Variants in DNAJB6 observed in about 807,000 individuals in gnomAD.
DNAJB6 encodes dnaJ homolog subfamily B member 6.
A neutral mutation model predicts 42.7 loss-of-function variants in DNAJB6; 16 were observed. The ratio of observed to expected loss-of-function variants is 0.37; its 90% CI spans 0.25 to 0.57. The LOEUF is 0.57. Among genes scored for constraint, DNAJB6 ranks in the 20% least tolerant of loss-of-function variants. The pLI is 0.74. For synonymous variants in DNAJB6, 170 were observed against 163.5 expected (o/e 1.04, Z -0.30); for missense variants, 347 against 416.8 (o/e 0.83, Z 1.46).
intron 1 of DNAJB6, among the ~76,000 whole-genome samples, chr7:157,340,377 C>T (rs1798298284): frequency 6.6e-6 from 1 of 151,732 alleles, no homozygotes. Flanking sequence ...TGGTGTAGTT[C>T]AAGGATGAAT....
At chr7:157,381,039 C>G (rs1800741238) in intron 5 of DNAJB6, 2 of 151,952 alleles carry the variant, frequency 1.3e-5, no homozygotes, top group African/African-American at 4.8e-5. Flanking sequence ...GCTGTGTTGT[C>G]CAGCCTGGAT....
chr7:157,387,558 C>T (rs1391518788), intron 8 of DNAJB6, among the ~76,000 whole-genome samples: 1 of 152,200 alleles, frequency 6.6e-6, no homozygotes, highest in African/African-American at 2.4e-5. Flanking sequence ...AGCCTTGAGA[C>T]ATCCAGGGAT....
At chr7:157,344,173 T>C (rs911718464) in intron 1 of DNAJB6, among the ~76,000 whole-genome samples, 3 of 152,142 alleles carry the variant, frequency 2.0e-5, no homozygotes, top group African/African-American at 7.2e-5. Flanking sequence ...ACCCCATCTC[T>C]ACTAAAACAA....
intron 1 of DNAJB6, among the ~76,000 whole-genome samples, chr7:157,356,947 T>C (rs987606486): frequency 5.3e-5 from 8 of 152,190 alleles, no homozygotes; most frequent in African/African-American, 1.7e-4. Context: ...TACATCTAAA[T>C]AGATCCTGAT....
intron 5 of DNAJB6, among the ~76,000 whole-genome samples, chr7:157,376,529 C>T (rs767610229): frequency 2.6e-5 from 4 of 152,148 alleles, no homozygotes; most frequent in Non-Finnish European, 5.9e-5. Context: ...GTGACACAGC[C>T]TCAGGAGTCC....
chr7:157,390,296 A>C (rs1010111846), intron 8 of DNAJB6, among the ~76,000 whole-genome samples: 2 of 152,206 alleles, frequency 1.3e-5, no homozygotes, highest in Non-Finnish European at 2.9e-5. Context: ...TTGGCTTTAC[A>C]AAGATTCTCC....
At chr7:157,370,336 CATT>C (rs1479994470) in intron 5 of DNAJB6, among the ~76,000 whole-genome samples, 3 of 152,204 alleles carry the variant, frequency 2.0e-5, no homozygotes, top group East Asian at 3.9e-4. Context: ...CCCTTCTTAA[CATT>C]ATTATTAAAC....
intron 1 of DNAJB6, among the ~76,000 whole-genome samples, chr7:157,349,793 T>A (rs1318258686): frequency 6.6e-6 from 1 of 152,120 alleles, no homozygotes; most frequent in Non-Finnish European, 1.5e-5. Flanking sequence ...TACAGGTTCA[T>A]GCCACCACAC....
intron 1 of DNAJB6, among the ~76,000 whole-genome samples, 187 bp downstream of exon 1, chr7:157,337,331 G>A (rs1383318618): frequency 6.6e-6 from 1 of 151,602 alleles, no homozygotes; most frequent in Non-Finnish European, 1.5e-5. Flanking sequence ...GGGTCCTCTG[G>A]GTCAGGTCTG....
At chr7:157,381,960 C>A in intron 5 of DNAJB6, 1 of 220,738 alleles carries the variant, frequency 4.5e-6, no homozygotes, top group East Asian at 1.2e-4. Flanking sequence ...GTTTGAAGTG[C>A]ATATTGGTCC....
chr7:157,354,594 C>A (rs1314856092), intron 1 of DNAJB6, among the ~76,000 whole-genome samples: 16 of 152,074 alleles, frequency 1.1e-4, no homozygotes, highest in Non-Finnish European at 2.4e-4. Context: ...CCACTTTGGT[C>A]TCACAAAGTG....
intron 8 of DNAJB6, among the ~76,000 whole-genome samples, chr7:157,391,385 G>A (rs1240341819): frequency 2.6e-5 from 4 of 152,242 alleles, no homozygotes; most frequent in South Asian, 2.1e-4. Context: ...GAACTTGAAC[G>A]AGAAAGTGCT....
chr7:157,369,454 C>T (rs1800007409), intron 5 of DNAJB6: 1 of 456,290 alleles, frequency 2.2e-6, no homozygotes. Flanking sequence ...AACACCATGG[C>T]TTCTCTTCTG....
intron 1 of DNAJB6, among the ~76,000 whole-genome samples, chr7:157,346,999 GCGCCCGCCACCA>G (rs1798723735): frequency 6.6e-6 from 1 of 152,210 alleles, no homozygotes; most frequent in African/African-American, 2.4e-5. Context: ...GAGACTACAG[GCGCCCGCCACCA>G]CGCCCGGCTA....
At position 157,385,533 on chromosome 7, in the gene DNAJB6, T is replaced by G; in HGVS notation, c.621-8T>G. The G allele has an allele frequency of 1.2e-6, 2 of 1,609,446 alleles. No homozygotes were observed. Among genetic ancestry groups the G allele is most frequent in the Non-Finnish European group, 1.7e-6 (2 of 1,178,674 alleles). On this transcript the variant is annotated splice_polypyrimidine_tract_variant and splice_region_variant and intron_variant, in intron 7 of 9. Coordinates refer to ENST00000262177, the MANE Select transcript of DNAJB6 (RefSeq NM_058246.4). ...AGAAAGGTTTTTAAATGAATTTTTT[T>G]CCTACAGAATTGTCGAGAACGGTCA... is the stretch of plus-strand genomic sequence containing the variant.
At chr7:157,403,325 T>C (rs1185692935) in intron 8 of DNAJB6, among the ~76,000 whole-genome samples, 1 of 152,128 alleles carries the variant, frequency 6.6e-6, no homozygotes, top group Non-Finnish European at 1.5e-5. Context: ...TGACTTTGAG[T>C]TCTGTCCTTT....
chr7:157,349,505 CAG>C (rs1798862062), intron 1 of DNAJB6, among the ~76,000 whole-genome samples: 2 of 150,768 alleles, frequency 1.3e-5, no homozygotes, highest in Non-Finnish European at 3.0e-5. Flanking sequence ...TTTTTTGAGT[CAG>C]AGTCTTGCTC....
chr7:157,379,717 T>A (rs1800654372), intron 5 of DNAJB6: 1 of 152,054 alleles, frequency 6.6e-6, no homozygotes. Context: ...ACCCCTGACC[T>A]CCAGGGATCT....
chr7:157,353,822 A>C (rs1023759360), intron 1 of DNAJB6, among the ~76,000 whole-genome samples: 9 of 147,748 alleles, frequency 6.1e-5, no homozygotes, highest in African/African-American at 2.4e-4. Flanking sequence ...GCCACCATGC[A>C]CAGCTACTTA....
Sources: allele counts gnomAD v4.1 joint callset (sites outside exome capture counted in the v4.1 genomes callset), GRCh38; gene constraint gnomAD v4.1.1; transcripts MANE v1.5; gene names NCBI Gene and HGNC (gene_info 2026-07-23, HGNC 2026-07-21).